SPEF2: variants seen among roughly 807,000 people sequenced by gnomAD.
SPEF2 encodes sperm flagella and cilia-associated protein 2.
In SPEF2, 187 loss-of-function variants were observed where a neutral mutation model predicts 224.6. The ratio of observed to expected loss-of-function variants is 0.83; its 90% CI spans 0.74 to 0.94. SPEF2 has a LOEUF of 0.94. Ranked by LOEUF, SPEF2 falls within the 40% of genes least tolerant of loss-of-function variation. SPEF2 has a pLI of 0.00. For synonymous variants in SPEF2, 715 were observed against 707.3 expected, an observed-to-expected ratio of 1.01 and a Z score of -0.17; for missense variants, 2,170 against 2,135.6, an observed-to-expected ratio of 1.02 and a Z score of -0.32.
chr5:35,786,329 T>G (rs10079517), intron 30 of SPEF2, among the ~76,000 whole-genome samples: 11,411 of 152,002 alleles, frequency 0.075, 1,315 homozygotes, highest in African/African-American at 0.24. Context: ...CAAAAATGGG[T>G]TCTATTTTAA....
At chr5:35,796,028 C>A (rs1359505711) in intron 33 of SPEF2, among the ~76,000 whole-genome samples, 1 of 152,166 alleles carries the variant, frequency 6.6e-6, no homozygotes, top group Non-Finnish European at 1.5e-5. Context: ...CTATGTGATC[C>A]TGGAAAATTC....
chr5:35,721,692 G>C (rs1743697945), intron 20 of SPEF2, among the ~76,000 whole-genome samples: 1 of 152,044 alleles, frequency 6.6e-6, no homozygotes, highest in African/African-American at 2.4e-5. Context: ...TCTTTCTTTA[G>C]GCCGAATTAG....
chr5:35,729,185 A>G (rs79670775), intron 21 of SPEF2, among the ~76,000 whole-genome samples: 4,234 of 152,246 alleles, frequency 0.028, 215 homozygotes, highest in African/African-American at 0.098. Context: ...AGAGTAGAAT[A>G]AAAGACTATT....
At chr5:35,652,525 G>A (rs1317964581) in intron 6 of SPEF2, among the ~76,000 whole-genome samples, 1 of 152,150 alleles carries the variant, frequency 6.6e-6, no homozygotes, top group Non-Finnish European at 1.5e-5. Flanking sequence ...CTCAGTGACA[G>A]AATACAATCA....
intron 32 of SPEF2, 92 bp downstream of exon 32, chr5:35,793,433 G>A: frequency 1.5e-6 from 2 of 1,325,372 alleles, no homozygotes; most frequent in Non-Finnish European, 2.0e-6. Context: ...ACAGGTCTCA[G>A]GCCAGTGCAT....
At position 35,807,258 on chromosome 5, in the gene SPEF2, G is replaced by T; in HGVS notation, c.5379+5G>T. 1 of 1,609,660 alleles carries T rather than the reference G, an allele frequency of 6.2e-7. No individual in the cohort carries two copies. Among genetic ancestry groups the T allele is most frequent in the East Asian group, 2.2e-5 (1 of 44,862 alleles). On this transcript the variant is annotated splice_donor_5th_base_variant and intron_variant, in intron 36 of 36. Transcript: ENST00000356031. ...TATTCAGACTATAAGTTTCCTGTGA[G>T]TATTACCCCAAAGTGCTCTAATTTG...
chr5:35,656,902 T>C (rs772864794), intron 7 of SPEF2, among the ~76,000 whole-genome samples: 2 of 152,192 alleles, frequency 1.3e-5, no homozygotes, highest in African/African-American at 2.4e-5. Flanking sequence ...ATATGCTGCA[T>C]TCCCTCCATT....
At chr5:35,669,589 C>G in intron 9 of SPEF2, among the ~76,000 whole-genome samples, 1 of 152,062 alleles carries the variant, frequency 6.6e-6, no homozygotes, top group South Asian at 2.1e-4. Flanking sequence ...GTAAAATGTC[C>G]GGAACTTAGT....
chr5:35,789,689 C>T (rs1348147763), intron 30 of SPEF2: 1 of 639,904 alleles, frequency 1.6e-6, no homozygotes, highest in Non-Finnish European at 2.8e-6. Context: ...AATTGTGGCC[C>T]ACAAAGATAA....
chr5:35,664,007 G>A (rs1750088294), intron 8 of SPEF2, among the ~76,000 whole-genome samples: 1 of 152,108 alleles, frequency 6.6e-6, no homozygotes, highest in African/African-American at 2.4e-5. Flanking sequence ...TGGCCACATT[G>A]GTTTGCTCTC....
chr5:35,730,657 A>G (rs1253902135), intron 21 of SPEF2, among the ~76,000 whole-genome samples: 1 of 152,254 alleles, frequency 6.6e-6, no homozygotes, highest in African/African-American at 2.4e-5. Context: ...GTACTGACCA[A>G]CAAACATGGA....
chr5:35,784,996 C>G (rs1754901123), intron 30 of SPEF2, among the ~76,000 whole-genome samples: 1 of 152,072 alleles, frequency 6.6e-6, no homozygotes, highest in Non-Finnish European at 1.5e-5. Flanking sequence ...CTTAGTGCCT[C>G]TGAGAAAATT....
chr5:35,691,710 C>T (rs1233874716), intron 11 of SPEF2, among the ~76,000 whole-genome samples: 1 of 152,144 alleles, frequency 6.6e-6, no homozygotes, highest in Admixed American at 6.5e-5. Flanking sequence ...TGTCTAAATG[C>T]TACTGAAATG....
intron 34 of SPEF2, among the ~76,000 whole-genome samples, chr5:35,803,650 CA>C (rs2149863785): frequency 1.3e-5 from 2 of 152,326 alleles, no homozygotes; most frequent in African/African-American, 4.8e-5. Flanking sequence ...CCAACTGTGG[CA>C]CTCCATTTCT....
At chr5:35,750,111 C>G (rs996937842) in intron 23 of SPEF2, among the ~76,000 whole-genome samples, 3 of 152,102 alleles carry the variant, frequency 2.0e-5, no homozygotes, top group African/African-American at 7.2e-5. Context: ...GGAAAGGACA[C>G]CCTGTTCAAC....
chr5:35,666,716 G>A (rs1750521832), intron 8 of SPEF2, among the ~76,000 whole-genome samples: 1 of 152,124 alleles, frequency 6.6e-6, no homozygotes. Context: ...CTTAGGGTCT[G>A]GCACAAACTT....
Position 35,661,010 on chromosome 5 carries a change from T to A in SPEF2, c.1167+1803T>A, listed in dbSNP as rs895487073. 3.3e-5 allele frequency among the ~76,000 whole-genome samples: 5 copies of A among 152,102 alleles called. 1 individual carries two copies. The highest frequency in any genetic ancestry group is 3.3e-4 in the Admixed American group (5 of 15,252). ...TTCCTTGGCATCTCTCCCTTAGAGA[T>A]GGTTGGATTTTATGGCTTTCATCCA... On this transcript the variant is annotated intron_variant, in intron 8 of 36. Coordinates refer to ENST00000356031, the MANE Select transcript of SPEF2 (RefSeq NM_024867.4).
intron 30 of SPEF2, among the ~76,000 whole-genome samples, chr5:35,791,815 A>G (rs1257863340): frequency 5.9e-5 from 9 of 152,214 alleles, no homozygotes; most frequent in Admixed American, 5.9e-4. Context: ...AGCACTTTCA[A>G]TCCAGTAATT....
At chr5:35,785,720 T>G (rs1755011799) in intron 30 of SPEF2, among the ~76,000 whole-genome samples, 1 of 148,276 alleles carries the variant, frequency 6.7e-6, no homozygotes, top group African/African-American at 2.5e-5. Context: ...TTAATTTTCT[T>G]CTCTTTTCTT....
Sources: allele counts gnomAD v4.1 joint callset (sites outside exome capture counted in the v4.1 genomes callset), GRCh38; gene constraint gnomAD v4.1.1; transcripts MANE v1.5; gene names NCBI Gene and HGNC (gene_info 2026-07-23, HGNC 2026-07-21).